Variants in LRRC4C observed in about 807,000 individuals in gnomAD.
LRRC4C encodes the protein leucine rich repeat containing 4C, also known as leucine-rich repeat-containing protein 4C.
LRRC4C carries 5 observed loss-of-function variants against 33.6 expected under a neutral mutation model. The ratio of observed to expected loss-of-function variants is 0.15; its 90% CI spans 0.08 to 0.31. The LOEUF is 0.31. LRRC4C is among the 10% of genes least tolerant of loss of function. The pLI is 1.00. For synonymous variants in LRRC4C, 329 were observed against 302.0 expected, an observed-to-expected ratio of 1.09 and a Z score of -0.93; for missense variants, 560 against 796.7, an observed-to-expected ratio of 0.70 and a Z score of 3.58.
At chr11:40,945,406 TTAAC>T (rs1268871551) in intron 1 of LRRC4C, among the ~76,000 whole-genome samples, 6 of 152,124 alleles carry the variant, frequency 3.9e-5, no homozygotes, top group African/African-American at 1.4e-4. Context: ...TCAATTTATA[TTAAC>T]TATCAATTTA....
chr11:40,774,941 C>A (rs1949920579), intron 2 of LRRC4C, among the ~76,000 whole-genome samples: 1 of 152,000 alleles, frequency 6.6e-6, no homozygotes, highest in Admixed American at 6.6e-5. Flanking sequence ...GCATATTAAT[C>A]TCTGCTCTGT....
At chr11:40,557,341 G>A (rs1224519140) in intron 3 of LRRC4C, among the ~76,000 whole-genome samples, 2 of 152,076 alleles carry the variant, frequency 1.3e-5, no homozygotes, top group African/African-American at 4.8e-5. Context: ...TGGTCTCTTC[G>A]AGTTCCTTGT....
chr11:40,988,498 C>T (rs1055730998), intron 1 of LRRC4C, among the ~76,000 whole-genome samples: 4 of 152,036 alleles, frequency 2.6e-5, no homozygotes, highest in Admixed American at 6.6e-5. Context: ...TAAAACTAAG[C>T]TTACTATGCC....
intron 2 of LRRC4C, among the ~76,000 whole-genome samples, chr11:40,886,405 C>CCA (rs1565169523): frequency 2.1e-4 from 5 of 23,480 alleles, no homozygotes; most frequent in Non-Finnish European, 1.1e-4. Flanking sequence ...GTTTCAAATG[C>CCA]TACACACACA....
At chr11:40,563,664 G>A (rs79838193) in intron 3 of LRRC4C, among the ~76,000 whole-genome samples, 3 of 152,070 alleles carry the variant, frequency 2.0e-5, no homozygotes, top group Non-Finnish European at 4.4e-5. Flanking sequence ...GTACATTCTC[G>A]AGCCTGGCAG....
chr11:40,328,493 G>A (rs1292426241), intron 3 of LRRC4C, among the ~76,000 whole-genome samples: 2 of 152,128 alleles, frequency 1.3e-5, no homozygotes, highest in Non-Finnish European at 2.9e-5. Context: ...GACAACTAAA[G>A]TTGTTGACAA....
At chr11:40,159,704 A>C (rs1307141249) in intron 5 of LRRC4C, among the ~76,000 whole-genome samples, 1 of 152,200 alleles carries the variant, frequency 6.6e-6, no homozygotes, top group Non-Finnish European at 1.5e-5. Context: ...CTACTTTCTC[A>C]CACATCTTTC....
intron 3 of LRRC4C, among the ~76,000 whole-genome samples, chr11:40,512,178 A>G (rs899232435): frequency 5.3e-5 from 8 of 152,136 alleles, no homozygotes; most frequent in Admixed American, 1.3e-4. Flanking sequence ...TCAGTTATCT[A>G]TCGGTATGTA....
intron 3 of LRRC4C, among the ~76,000 whole-genome samples, chr11:40,386,817 G>A (rs545750259): frequency 1.3e-5 from 2 of 152,212 alleles, no homozygotes; most frequent in African/African-American, 2.4e-5. Context: ...ACCAGGCACA[G>A]CTTACTGGCT....
In LRRC4C at chr11:40,474,020, A is replaced by G. The variant is rs185889599; in HGVS notation, c.-269-154299T>C. ...AAGAATCAATATCATGAAAATGGCCATACTTCCCAAAGTAATTTATAGATT... is the reference window on the plus strand; with the variant it reads ...AAGAATCAATATCATGAAAATGGCCGTACTTCCCAAAGTAATTTATAGATT... On this transcript the variant is annotated intron_variant, in intron 3 of 6. Transcript: ENST00000528697. Among the ~76,000 whole-genome samples, 717 of 152,308 alleles carry G rather than the reference A, an allele frequency of 4.7e-3. 21 individuals are homozygous for G. The highest frequency in any genetic ancestry group is 0.033 in the Admixed American group (512 of 15,302).
At chr11:40,298,424 A>G (rs987410334) in intron 4 of LRRC4C, among the ~76,000 whole-genome samples, 1 of 150,758 alleles carries the variant, frequency 6.6e-6, no homozygotes, top group Non-Finnish European at 1.5e-5. Context: ...TCACTGGTGC[A>G]ACTGGGCTCC....
intron 2 of LRRC4C, among the ~76,000 whole-genome samples, chr11:40,872,711 C>CTA (rs1013491099): frequency 2.5e-4 from 38 of 152,108 alleles, no homozygotes; most frequent in African/African-American, 8.9e-4. Context: ...CAAGAGAGGC[C>CTA]TATGTACTGT....
intron 3 of LRRC4C, among the ~76,000 whole-genome samples, chr11:40,538,622 C>A (rs1591041833): frequency 1.3e-5 from 2 of 152,088 alleles, no homozygotes; most frequent in Admixed American, 6.6e-5. Context: ...TAGCAGCATG[C>A]TTTATAATCC....
Position 40,814,830 on chromosome 11 carries a change from C to T in LRRC4C, c.-407+118805G>A, listed in dbSNP as rs145847654. ...CATTTACTCCAGTTCCCAACAAGTT[C>T]CTCATTTCCATCTGAGACCACTTCA... On this transcript the variant is annotated intron_variant, in intron 2 of 6. Transcript: ENST00000528697. 9.9e-3 allele frequency among the ~76,000 whole-genome samples: 1,507 copies of T among 152,130 alleles called. 24 individuals are homozygous for T. The highest frequency in any genetic ancestry group is 0.033 in the African/African-American group (1,375 of 41,490).
chr11:40,765,872 C>T (rs1273457256), intron 2 of LRRC4C, among the ~76,000 whole-genome samples: 1 of 151,574 alleles, frequency 6.6e-6, no homozygotes, highest in Non-Finnish European at 1.5e-5. Context: ...GAGTCATTGG[C>T]CTTAAGGAGG....
Position 40,114,583 on chromosome 11 carries a change from A to G in LRRC4C, c.1710T>C (p.Asn570=), listed in dbSNP as rs1257259563. The G allele has an allele frequency of 4.3e-6, 7 of 1,614,176 alleles. No homozygotes were observed. In the East Asian group the frequency reaches 6.7e-5, roughly 15 times the overall value. ...HAPTRTVEII[N]VDDEITGDTP... ...TGTCTCCCGTAATCTCATCATCCAC[A>G]TTAATAATTTCAACAGTCCTTGTTG... The change falls in exon 7 of 7, where the codon AAT becomes AAC. Residue 570 remains asparagine, a synonymous_variant. Coordinates refer to ENST00000528697, the MANE Select transcript of LRRC4C (RefSeq NM_001258419.2).
intron 2 of LRRC4C, among the ~76,000 whole-genome samples, chr11:40,770,905 C>A (rs1333035253): frequency 6.6e-6 from 1 of 152,136 alleles, no homozygotes. Context: ...TTACAACCCC[C>A]CCTCCCAGCT....
rs575245353 is a variant in LRRC4C, at chr11:40,999,889, G to A, written c.-495-66166C>T. Among the ~76,000 whole-genome samples, 3 of 152,164 alleles carry A rather than the reference G, an allele frequency of 2.0e-5. No individual in the cohort carries two copies. In the East Asian group the frequency reaches 5.8e-4, roughly 29 times the overall value. Reference sequence around the variant, plus strand: ...CCTGGTGCTTGAAAGATGAATAAGAGTTTCCTGTGACAGAAGGGAGAAAGG... The same window carrying A: ...CCTGGTGCTTGAAAGATGAATAAGAATTTCCTGTGACAGAAGGGAGAAAGG... On this transcript the variant is annotated intron_variant, in intron 1 of 6. Coordinates refer to ENST00000528697, the MANE Select transcript of LRRC4C (RefSeq NM_001258419.2).
intron 1 of LRRC4C, among the ~76,000 whole-genome samples, chr11:41,236,851 A>G (rs1386517043): frequency 4.6e-5 from 7 of 152,172 alleles, no homozygotes; most frequent in Non-Finnish European, 7.4e-5. Flanking sequence ...AAAATTTTAC[A>G]CTCTTCAAAA....
Sources: allele counts gnomAD v4.1 joint callset (sites outside exome capture counted in the v4.1 genomes callset), GRCh38; gene constraint gnomAD v4.1.1; transcripts MANE v1.5; gene names NCBI Gene and HGNC (gene_info 2026-07-23, HGNC 2026-07-21).